The following CDH12 variants were observed in gnomAD, a reference collection of about 807,000 sequenced individuals.
CDH12 encodes cadherin-12.
In CDH12, 41 loss-of-function variants were observed where a neutral mutation model predicts 74.1. The ratio of observed to expected loss-of-function variants is 0.55; its 90% CI spans 0.43 to 0.72. The LOEUF (loss-of-function observed/expected upper bound fraction) is 0.72. Ranked by LOEUF, CDH12 falls within the 30% of genes least tolerant of loss-of-function variation. The probability of loss-of-function intolerance (pLI) is 0.00; values close to 1 mark genes in which losing one functional copy is unlikely to be tolerated. For missense variants in CDH12, 945 were observed against 977.2 expected (o/e 0.97, Z 0.44); for synonymous variants, 399 against 355.0 (o/e 1.12, Z -1.39).
intron 5 of CDH12, among the ~76,000 whole-genome samples, chr5:22,036,751 T>G (rs1739216784): frequency 6.6e-6 from 1 of 152,202 alleles, no homozygotes; most frequent in South Asian, 2.1e-4. Context: ...TAATTGGTGT[T>G]TTAAGACCCT....
At position 22,774,597 on chromosome 5, in the gene CDH12, G is replaced by A. The variant is rs1746989362; in HGVS notation, c.-523+78461C>T. Reference sequence around the variant, plus strand: ...TGAGATCTGATGGTTTTCAAAAGAGGAGTTCCCCTGAACAATCGCTCTCTA... The same window carrying A: ...TGAGATCTGATGGTTTTCAAAAGAGAAGTTCCCCTGAACAATCGCTCTCTA... On this transcript the variant is annotated intron_variant, in intron 1 of 14. Coordinates refer to ENST00000382254, the MANE Select transcript of CDH12 (RefSeq NM_004061.5). 1.3e-5 allele frequency among the ~76,000 whole-genome samples: 2 copies of A among 152,004 alleles called. 1 individual carries two copies. Among genetic ancestry groups the A allele is most frequent in the South Asian group, 4.1e-4 (2 of 4,822 alleles).
intron 2 of CDH12, among the ~76,000 whole-genome samples, chr5:22,420,790 T>A (rs1743615522): frequency 6.6e-6 from 1 of 152,204 alleles, no homozygotes; most frequent in Non-Finnish European, 1.5e-5. Context: ...AGCAGTATGG[T>A]CATCTTTATG....
rs1052095281 is a variant in CDH12, at chr5:22,313,969, T to TA, written c.-333+91287dup. On this transcript the variant is annotated intron_variant, in intron 3 of 14. Transcript: ENST00000382254. ...ACTTGTACCCCAAAAGCTATTGAAA[T>TA]AAAAAAAAGAAAAAAGCTCACTCTG... 4.0e-5 allele frequency among the ~76,000 whole-genome samples: 6 copies of TA among 151,602 alleles called. No homozygotes were observed. The East Asian group carries it at 6.0e-4, about 15-fold the overall frequency.
At chr5:22,024,135 G>A (rs58972104) in intron 5 of CDH12, among the ~76,000 whole-genome samples, 2,905 of 152,090 alleles carry the variant, frequency 0.019, 98 homozygotes, top group African/African-American at 0.066. Flanking sequence ...GAGTTTTAGC[G>A]ACTTGAAAAT....
chr5:22,633,154 G>C (rs1353376118), intron 1 of CDH12, among the ~76,000 whole-genome samples: 1 of 152,022 alleles, frequency 6.6e-6, no homozygotes, highest in Non-Finnish European at 1.5e-5. Flanking sequence ...AATTAAAAAA[G>C]AGAGTTCATT....
chr5:22,482,803 G>A (rs189627082), intron 2 of CDH12, among the ~76,000 whole-genome samples: 44 of 152,170 alleles, frequency 2.9e-4, no homozygotes, highest in South Asian at 1.2e-3. Context: ...TGATTGTGTC[G>A]GGGATTTTCC....
intron 1 of CDH12, among the ~76,000 whole-genome samples, chr5:22,523,981 ATTTTT>A (rs761099580): frequency 7.0e-6 from 1 of 142,192 alleles, no homozygotes; most frequent in East Asian, 2.0e-4. Flanking sequence ...TATTATTATT[ATTTTT>A]TTTTTTTTTT....
rs189871566 is a variant in CDH12, at chr5:22,574,895, T to A, written c.-522-69531A>T. ...AGATGAGTGTTCTAACACCCAAGGC[T>A]TCTTCACATTCCCAATATGTGAAAG... On this transcript the variant is annotated intron_variant, in intron 1 of 14. Coordinates refer to ENST00000382254, the MANE Select transcript of CDH12 (RefSeq NM_004061.5). Among the ~76,000 whole-genome samples the A allele has an allele frequency of 2.0e-5, 3 of 152,306 alleles. No homozygotes were observed. In the East Asian group the frequency reaches 5.8e-4, roughly 29 times the overall value.
intron 4 of CDH12, chr5:22,142,415 C>A (rs1437348156): frequency 3.6e-6 from 2 of 556,728 alleles, no homozygotes; most frequent in Non-Finnish European, 6.9e-6. Context: ...TTTCTTAAAT[C>A]ATGGTCTGTC....
chr5:22,560,641 A>C (rs1040476505), intron 1 of CDH12, among the ~76,000 whole-genome samples: 1 of 152,170 alleles, frequency 6.6e-6, no homozygotes, highest in African/African-American at 2.4e-5. Flanking sequence ...AAAGGTAATA[A>C]AAAAATCATT....
intron 1 of CDH12, among the ~76,000 whole-genome samples, chr5:22,741,366 A>G (rs554475648): frequency 6.6e-6 from 1 of 152,308 alleles, no homozygotes; most frequent in Non-Finnish European, 1.5e-5. Context: ...TTTTAATGAA[A>G]CAAGTATGCT....
At chr5:22,094,368 G>T (rs569764909) in intron 4 of CDH12, among the ~76,000 whole-genome samples, 45 of 152,154 alleles carry the variant, frequency 3.0e-4, no homozygotes, top group Non-Finnish European at 5.0e-4. Flanking sequence ...GAACCACAAA[G>T]ATTTGAATAA....
chr5:22,595,849 G>A (rs575408518), intron 1 of CDH12, among the ~76,000 whole-genome samples: 124 of 152,120 alleles, frequency 8.2e-4, no homozygotes, highest in African/African-American at 2.8e-3. Flanking sequence ...GGCCAGAGGC[G>A]GGTGGATCAC....
intron 1 of CDH12, among the ~76,000 whole-genome samples, chr5:22,571,257 C>T (rs567859102): frequency 6.6e-6 from 1 of 152,196 alleles, no homozygotes; most frequent in South Asian, 2.1e-4. Flanking sequence ...CTAACTAGTG[C>T]AAGAGATGTA....
intron 2 of CDH12, among the ~76,000 whole-genome samples, chr5:22,483,468 G>A (rs1746460370): frequency 2.6e-5 from 4 of 151,558 alleles, no homozygotes; most frequent in African/African-American, 7.3e-5. Flanking sequence ...AATGCAAATC[G>A]AAGAAAAGTA....
intron 4 of CDH12, among the ~76,000 whole-genome samples, chr5:22,091,559 G>C (rs1353718746): frequency 6.6e-6 from 1 of 151,842 alleles, no homozygotes; most frequent in Non-Finnish European, 1.5e-5. Context: ...AGAAATTAAA[G>C]AATGTCTATG....
chr5:22,691,787 C>T (rs928722661), intron 1 of CDH12, among the ~76,000 whole-genome samples: 14 of 152,050 alleles, frequency 9.2e-5, no homozygotes, highest in African/African-American at 3.1e-4. Flanking sequence ...TCACCCTTTT[C>T]TTAAAATCTA....
chr5:21,832,948 ATAT>A (rs1749150970), intron 8 of CDH12, among the ~76,000 whole-genome samples: 2 of 95,440 alleles, frequency 2.1e-5, no homozygotes, highest in Admixed American at 1.7e-4. Flanking sequence ...ATATAATATC[ATAT>A]TATGTAATAT....
At chr5:22,373,299 C>T (rs1741377930) in intron 3 of CDH12, among the ~76,000 whole-genome samples, 1 of 152,124 alleles carries the variant, frequency 6.6e-6, no homozygotes, top group Non-Finnish European at 1.5e-5. Flanking sequence ...ACTGACCTGC[C>T]CAGCCCATTG....
Sources: gnomAD v4.1 joint callset for allele counts (sites outside exome capture counted in the v4.1 genomes callset) on GRCh38, gnomAD v4.1.1 for gene constraint, MANE v1.5 for transcripts, NCBI Gene and HGNC (gene_info 2026-07-23, HGNC 2026-07-21) for gene names.